The following PRKCE variants were observed in gnomAD, a reference collection of about 807,000 sequenced individuals.
PRKCE encodes the protein protein kinase C epsilon.
A neutral mutation model predicts 85.4 loss-of-function variants in PRKCE; 16 were observed. The observed-to-expected ratio is 0.19, with a 90% confidence interval of 0.13 to 0.28. PRKCE has a LOEUF of 0.28. PRKCE is among the 10% of genes least tolerant of loss of function. The pLI is 1.00. For missense variants in PRKCE, 573 were observed against 975.2 expected, an observed-to-expected ratio of 0.59 and a Z score of 5.49; for synonymous variants, 388 against 371.5, an observed-to-expected ratio of 1.04 and a Z score of -0.51.
intron 1 of PRKCE, among the ~76,000 whole-genome samples, chr2:45,828,902 C>A (rs1464845455): frequency 6.6e-6 from 1 of 152,080 alleles, no homozygotes; most frequent in Non-Finnish European, 1.5e-5. Flanking sequence ...TATGTACCTA[C>A]CACATACTTA....
At chr2:45,920,623 C>T (rs751575925) in intron 2 of PRKCE, among the ~76,000 whole-genome samples, 6 of 152,098 alleles carry the variant, frequency 3.9e-5, no homozygotes, top group African/African-American at 1.4e-4. Flanking sequence ...TCACCAATGT[C>T]AGATTCAAAA....
At chr2:45,773,246 A>G (rs1685484002) in intron 1 of PRKCE, among the ~76,000 whole-genome samples, 1 of 152,188 alleles carries the variant, frequency 6.6e-6, no homozygotes, top group Non-Finnish European at 1.5e-5. Flanking sequence ...CACCCAGGCT[A>G]CAGGAGGGTG....
At chr2:46,166,594 C>T (rs943342665) in intron 14 of PRKCE, among the ~76,000 whole-genome samples, 1 of 152,210 alleles carries the variant, frequency 6.6e-6, no homozygotes, top group Admixed American at 6.5e-5. Context: ...CACAGGAAAG[C>T]CATGTGACAC....
chr2:45,673,102 T>C (rs1211231334), intron 1 of PRKCE, among the ~76,000 whole-genome samples: 2 of 152,168 alleles, frequency 1.3e-5, no homozygotes, highest in South Asian at 2.1e-4. Context: ...CCTCCACTCC[T>C]TTTTTTGGGT....
intron 14 of PRKCE, among the ~76,000 whole-genome samples, chr2:46,167,221 A>G (rs1380772222): frequency 6.6e-6 from 1 of 152,110 alleles, no homozygotes; most frequent in Admixed American, 6.5e-5. Context: ...GGGCTGTGGG[A>G]TATTGGGAAA....
At chr2:46,157,190 C>T (rs867126534) in intron 13 of PRKCE, among the ~76,000 whole-genome samples, 19 of 152,084 alleles carry the variant, frequency 1.2e-4, no homozygotes, top group African/African-American at 4.6e-4. Flanking sequence ...TTCCCGGAGC[C>T]CCATCTCTTC....
chr2:45,854,369 G>A (rs1692513487), intron 2 of PRKCE, among the ~76,000 whole-genome samples: 1 of 152,200 alleles, frequency 6.6e-6, no homozygotes, highest in African/African-American at 2.4e-5. Context: ...TTACCATAGG[G>A]AGGCATGGAT....
At chr2:45,889,576 G>C (rs1205818063) in intron 2 of PRKCE, among the ~76,000 whole-genome samples, 1 of 150,900 alleles carries the variant, frequency 6.6e-6, no homozygotes, top group African/African-American at 2.4e-5. Context: ...GTGGGGTGGG[G>C]TGGGGTGGGG....
intron 1 of PRKCE, among the ~76,000 whole-genome samples, chr2:45,671,379 C>A (rs1676151593): frequency 2.6e-5 from 4 of 152,188 alleles, no homozygotes; most frequent in Admixed American, 2.6e-4. Context: ...ACTGCACATG[C>A]ACGGGTATAT....
At chr2:45,823,173 T>A (rs1380169735) in intron 1 of PRKCE, among the ~76,000 whole-genome samples, 1 of 152,220 alleles carries the variant, frequency 6.6e-6, no homozygotes, top group African/African-American at 2.4e-5. Context: ...TGGACTCCAC[T>A]AGGGCTTTGA....
At chr2:45,946,839 C>G (rs898254241) in intron 2 of PRKCE, among the ~76,000 whole-genome samples, 4 of 152,236 alleles carry the variant, frequency 2.6e-5, no homozygotes, top group Non-Finnish European at 5.9e-5. Context: ...CCTTAGCTAT[C>G]ACTCCGCCTT....
rs185026559 is a variant in PRKCE, at chr2:46,070,102, A to G, written c.1438-16106A>G. On this transcript the variant is annotated intron_variant, in intron 10 of 14. Coordinates refer to ENST00000306156, the MANE Select transcript of PRKCE (RefSeq NM_005400.3). Reference sequence around the variant, plus strand: ...GTCCAGATGGTGGAGTTTGCTACAAAGCAGCCCACTGTATGAAAGACATGA... The same window carrying G: ...GTCCAGATGGTGGAGTTTGCTACAAGGCAGCCCACTGTATGAAAGACATGA... Among the ~76,000 whole-genome samples, 7 of 152,360 alleles carry G rather than the reference A, an allele frequency of 4.6e-5. No individual in the cohort carries two copies. The East Asian group carries it at 7.7e-4, about 17-fold the overall frequency.
intron 1 of PRKCE, among the ~76,000 whole-genome samples, chr2:45,674,010 G>A (rs17033968): frequency 0.026 from 3,917 of 152,076 alleles, 74 homozygotes; most frequent in African/African-American, 0.055. Context: ...TGCTTGATTG[G>A]ACCCAGAATG....
intron 1 of PRKCE, among the ~76,000 whole-genome samples, chr2:45,761,297 A>G (rs1262693133): frequency 7.6e-6 from 1 of 131,974 alleles, no homozygotes; most frequent in Middle Eastern, 4.0e-3. Flanking sequence ...ACTGCACTCC[A>G]GCCTGGGCGA....
chr2:46,162,794 G>T (rs1292307633), intron 14 of PRKCE, among the ~76,000 whole-genome samples: 1 of 152,118 alleles, frequency 6.6e-6, no homozygotes, highest in East Asian at 1.9e-4. Flanking sequence ...TCTCTCAGGA[G>T]AAATACCAAA....
chr2:46,153,737 G>A (rs1047977910), intron 13 of PRKCE, among the ~76,000 whole-genome samples: 18 of 149,934 alleles, frequency 1.2e-4, no homozygotes, highest in African/African-American at 3.2e-4. Context: ...CTTCTTCTTC[G>A]TCCTCCTCTT....
chr2:46,142,239 A>G lies in PRKCE; in HGVS notation c.1593-2854A>G, dbSNP rs72808771. ...GAGCTATCCCATCCACTGAAACCCTACTCGTGAACTGCTTGCCACTGAGAG... is the reference window on the plus strand; with the variant it reads ...GAGCTATCCCATCCACTGAAACCCTGCTCGTGAACTGCTTGCCACTGAGAG... On this transcript the variant is annotated intron_variant, in intron 11 of 14. Coordinates refer to ENST00000306156, the MANE Select transcript of PRKCE (RefSeq NM_005400.3). Among the ~76,000 whole-genome samples, 660 of 151,816 alleles carry G rather than the reference A, an allele frequency of 4.3e-3. 2 individuals carry two copies. The highest frequency in any genetic ancestry group is 0.024 in the Middle Eastern group (7 of 294).
intron 1 of PRKCE, among the ~76,000 whole-genome samples, chr2:45,813,018 CTAT>C (rs1335329732): frequency 6.6e-6 from 1 of 152,194 alleles, no homozygotes; most frequent in East Asian, 1.9e-4. Context: ...AAGAAAATGG[CTAT>C]TGAAAATTCT....
rs563773447 is a variant in PRKCE at position 46,028,758 on chromosome 2, A to G, written c.1437+18241A>G. Among the ~76,000 whole-genome samples, 4 of 152,320 alleles carry G rather than the reference A, an allele frequency of 2.6e-5. No homozygotes were observed. In the East Asian group the frequency reaches 7.7e-4, roughly 29 times the overall value. Reference sequence around the variant, plus strand: ...GGGGGCTTATTGTACAGATTATTTCATCACCCAGGTATTAAGCTTGGTACT... The same window carrying G: ...GGGGGCTTATTGTACAGATTATTTCGTCACCCAGGTATTAAGCTTGGTACT... On this transcript the variant is annotated intron_variant, in intron 10 of 14. Transcript: ENST00000306156.
Sources: allele counts gnomAD v4.1 joint callset (sites outside exome capture counted in the v4.1 genomes callset), GRCh38; gene constraint gnomAD v4.1.1; transcripts MANE v1.5; gene names NCBI Gene and HGNC (gene_info 2026-07-23, HGNC 2026-07-21).